VRK3: variants seen among roughly 807,000 people sequenced by gnomAD.
VRK3 encodes serine/threonine-protein kinase VRK3.
In VRK3, 50 loss-of-function variants were observed where a neutral mutation model predicts 60.4. The observed-to-expected ratio is 0.83, with a 90% confidence interval of 0.66 to 1.05. VRK3 has a LOEUF of 1.05. VRK3 is among the 50% of genes least tolerant of loss of function. The probability of loss-of-function intolerance (pLI) is 0.00; values close to 1 mark genes in which losing one functional copy is unlikely to be tolerated. For missense variants in VRK3, 549 were observed against 585.3 expected, an observed-to-expected ratio of 0.94 and a Z score of 0.64; for synonymous variants, 246 against 227.8, an observed-to-expected ratio of 1.08 and a Z score of -0.72.
intron 14 of VRK3, chr19:49,978,603 G>C (rs1176712801): frequency 6.5e-6 from 1 of 154,212 alleles, no homozygotes; most frequent in African/African-American, 2.4e-5. Context: ...GTCATCCACA[G>C]GAAGGGGTAG....
intron 6 of VRK3, chr19:49,997,821 A>G (rs1297855240): frequency 7.9e-5 from 32 of 404,168 alleles, no homozygotes; most frequent in Admixed American, 4.1e-5. Flanking sequence ...CCTTCAGCAT[A>G]AAAACTACGT....
intron 2 of VRK3, among the ~76,000 whole-genome samples, chr19:50,017,102 G>A (rs1332816282): frequency 6.6e-6 from 1 of 152,156 alleles, no homozygotes; most frequent in Non-Finnish European, 1.5e-5. Flanking sequence ...GCTGAGGCAG[G>A]AAAGTTGCTT....
intron 12 of VRK3, among the ~76,000 whole-genome samples, chr19:49,985,896 C>T (rs955566791): frequency 3.3e-5 from 5 of 152,198 alleles, no homozygotes; most frequent in African/African-American, 4.8e-5. Context: ...CAGGTTTGAG[C>T]CCAGGAGCCC....
At chr19:50,014,513 G>A (rs2077043263) in intron 3 of VRK3, among the ~76,000 whole-genome samples, 1 of 151,640 alleles carries the variant, frequency 6.6e-6, no homozygotes, top group African/African-American at 2.4e-5. Flanking sequence ...GAGCCGAGAT[G>A]TTGCAGTGAG....
At chr19:50,019,208 T>G (rs1457609176) in intron 2 of VRK3, 1 of 146,252 alleles carries the variant, frequency 6.8e-6, no homozygotes, top group Non-Finnish European at 1.5e-5. Flanking sequence ...TAAACAAAAA[T>G]TTTTTCTTTT....
At chr19:50,015,926 G>C (rs1158253333) in intron 3 of VRK3, 98 bp downstream of exon 3, 8 of 1,536,622 alleles carry the variant, frequency 5.2e-6, no homozygotes, top group Non-Finnish European at 7.1e-6. Flanking sequence ...TGTCAGGACA[G>C]GGTCAGACAG....
intron 7 of VRK3, among the ~76,000 whole-genome samples, 153 bp from the exon 8 acceptor site, chr19:49,995,428 G>A (rs1015281381): frequency 1.3e-5 from 2 of 152,232 alleles, no homozygotes; most frequent in Non-Finnish European, 2.9e-5. Flanking sequence ...ATGGTGGGAA[G>A]GGGCTGGTGA....
At chr19:50,003,924 G>A (rs1196606643) in intron 5 of VRK3, among the ~76,000 whole-genome samples, 1 of 152,198 alleles carries the variant, frequency 6.6e-6, no homozygotes, top group Non-Finnish European at 1.5e-5. Flanking sequence ...CTGAGCAACC[G>A]GGCACAGTGC....
chr19:50,013,371 T>C (rs531342812), intron 3 of VRK3, among the ~76,000 whole-genome samples: 8 of 152,260 alleles, frequency 5.3e-5, no homozygotes, highest in Admixed American at 5.2e-4. Context: ...GGGGACACCA[T>C]CCCAATACGC....
chr19:49,984,277 C>T (rs1341342848), intron 12 of VRK3, among the ~76,000 whole-genome samples: 1 of 152,162 alleles, frequency 6.6e-6, no homozygotes, highest in African/African-American at 2.4e-5. Context: ...GCCTCAGGAA[C>T]CTGGCACTGA....
intron 11 of VRK3, among the ~76,000 whole-genome samples, chr19:49,988,949 G>A (rs188695830): frequency 1.3e-3 from 198 of 152,236 alleles, no homozygotes; most frequent in African/African-American, 4.0e-3. Context: ...GGGGGAGGGC[G>A]GGGGAGACTC....
At chr19:49,990,589 T>C (rs1041982622) in intron 10 of VRK3, among the ~76,000 whole-genome samples, 2 of 152,022 alleles carry the variant, frequency 1.3e-5, no homozygotes, top group Admixed American at 1.3e-4. Flanking sequence ...CCCAGGCTGG[T>C]CTTGAACCCC....
At chr19:50,004,088 G>T (rs1234973501) in intron 5 of VRK3, among the ~76,000 whole-genome samples, 3 of 152,212 alleles carry the variant, frequency 2.0e-5, no homozygotes, top group Admixed American at 6.5e-5. Flanking sequence ...GACTCACACA[G>T]GCTGGGCACT....
At chr19:50,012,354 A>T (rs1322192493) in intron 3 of VRK3, among the ~76,000 whole-genome samples, 1 of 152,114 alleles carries the variant, frequency 6.6e-6, no homozygotes, top group Non-Finnish European at 1.5e-5. Flanking sequence ...ATGTTCCCTT[A>T]TATATGTTCC....
intron 12 of VRK3, chr19:49,988,042 CT>C (rs902662561): frequency 4.2e-4 from 84 of 200,812 alleles, no homozygotes; most frequent in African/African-American, 1.7e-3. Context: ...GTGCTAAGTG[CT>C]GTGTGCACCT....
rs1336671925 is a variant in VRK3, at chr19:50,007,673, G to T, written c.443C>A (p.Ser148Ter). 6.2e-7 allele frequency: 1 copy of T among 1,614,198 alleles called. No individual in the cohort carries two copies. The change falls in exon 5 of 15, where the codon TCA (serine) becomes TAA (stop). Residue 148 changes from serine to a stop codon, truncating the protein, a stop_gained. Transcript: ENST00000316763. LOFTEE classifies it high-confidence loss of function. ...QTLKRSRVTT[S>*]LEALPTGTVL... ...TGTCCCTGTGGGCAAAGCTTCAAGT[G>T]AGGTGGTCACTCGGCTCCGCTTCAG... is the stretch of plus-strand genomic sequence containing the variant.
intron 10 of VRK3, 128 bp downstream of exon 10, chr19:49,992,732 G>T: frequency 2.7e-6 from 2 of 751,382 alleles, no homozygotes; most frequent in Non-Finnish European, 2.1e-6. Flanking sequence ...TTATTTGAAG[G>T]AGCTCTTTAT....
intron 14 of VRK3, among the ~76,000 whole-genome samples, chr19:49,977,397 G>A (rs77668879): frequency 2.4e-4 from 36 of 152,198 alleles, no homozygotes; most frequent in African/African-American, 7.9e-4. Context: ...TCCAGGGAGC[G>A]CGTGGGTGTG....
At chr19:50,020,969 A>C (rs734910) in intron 1 of VRK3, among the ~76,000 whole-genome samples, 1 of 151,932 alleles carries the variant, frequency 6.6e-6, no homozygotes, top group Non-Finnish European at 1.5e-5. Context: ...ACCATAGAAG[A>C]AAACAGGATG....
Sources: gnomAD v4.1 joint callset for allele counts (sites outside exome capture counted in the v4.1 genomes callset) on GRCh38, gnomAD v4.1.1 for gene constraint, MANE v1.5 for transcripts, NCBI Gene and HGNC (gene_info 2026-07-23, HGNC 2026-07-21) for gene names.